COLQ: variants seen among roughly 807,000 people sequenced by gnomAD.
COLQ encodes the protein acetylcholinesterase collagenic tail peptide.
Under a neutral mutation model 69.0 loss-of-function variants are expected in COLQ, and 48 were observed. The observed-to-expected ratio is 0.70, with a 90% CI of 0.55 to 0.88. The LOEUF (loss-of-function observed/expected upper bound fraction) is 0.88. Ranked by LOEUF, COLQ falls within the 40% of genes least tolerant of loss-of-function variation. The probability of loss-of-function intolerance (pLI) is 0.00; values close to 1 mark genes in which losing one functional copy is unlikely to be tolerated. For missense variants in COLQ, 618 were observed against 594.6 expected, an observed-to-expected ratio of 1.04 and a Z score of -0.41; for synonymous variants, 217 against 211.2, an observed-to-expected ratio of 1.03 and a Z score of -0.24.
At chr3:15,494,254 G>C (rs1388056454) in intron 1 of COLQ, among the ~76,000 whole-genome samples, 1 of 152,164 alleles carries the variant, frequency 6.6e-6, no homozygotes, top group African/African-American at 2.4e-5. Context: ...AACACTGTGT[G>C]CAAGGAAGGT....
intron 1 of COLQ, among the ~76,000 whole-genome samples, chr3:15,490,899 G>A (rs2062655048): frequency 6.6e-6 from 1 of 152,138 alleles, no homozygotes; most frequent in African/African-American, 2.4e-5. Context: ...TAGAAAAGTG[G>A]GTGCATTCAG....
chr3:15,502,104 C>T (rs1400107880), intron 1 of COLQ, among the ~76,000 whole-genome samples: 1 of 143,646 alleles, frequency 7.0e-6, no homozygotes, highest in Non-Finnish European at 1.5e-5. Context: ...CATCTGCTAA[C>T]TTGCACTGAT....
In COLQ at chr3:15,451,674, G is replaced by A. The variant is rs73818504; in HGVS notation, c.1338C>T (p.Ile446=). The A allele has an allele frequency of 6.8e-6, 11 of 1,614,038 alleles. No individual in the cohort carries two copies. Among genetic ancestry groups the A allele is most frequent in the South Asian group, 6.6e-5 (6 of 91,080 alleles). ...TGAAGTAGCGGCAGGGCGTGGAGTC[G>A]ATGTAGCAGTACTGGGTGCATTGCA... ...GDLQCTQYCY[I]DSTPCRYFT Residue 446 remains isoleucine, a synonymous_variant, in exon 17 of 17, where the codon ATC becomes ATT. Transcript: ENST00000383788.
rs116373583 is a variant in COLQ at position 15,455,986 on chromosome 3, C to T, written c.1108G>A (p.Asp370Asn). ...CCATCCCCACAGGTGCCGTGCTGGT[C>T]TGCAGTGTAATCCACAGGGTAGAAA... The part of the protein sequence containing the change: ...TPFYPVDYTA[D>N]QHGTCGDGLL... Residue 370 changes from aspartate (D) to asparagine (N), a missense_variant, in exon 15 of 17, where the codon GAC (aspartate) becomes AAC (asparagine). Asp to Asn is a conservative substitution (Grantham distance 23, BLOSUM62 1). Coordinates refer to ENST00000383788, the MANE Select transcript of COLQ (RefSeq NM_005677.4). 1,832 of 1,614,136 alleles carry T rather than the reference C, an allele frequency of 1.1e-3. 23 individuals are homozygous for T. In the African/African-American group the frequency reaches 0.022, roughly 20 times the overall value.
At position 15,466,419 on chromosome 3, in the gene COLQ, C is replaced by T; in HGVS notation, c.736G>A (p.Gly246Arg). Residue 246 changes from glycine (G) to arginine (R), a missense_variant, in exon 12 of 17, where the codon GGA (glycine) becomes AGA (arginine). Physicochemically the swap from Gly to Arg is moderately radical, Grantham distance 125 (BLOSUM62 -2). Coordinates refer to ENST00000383788, the MANE Select transcript of COLQ (RefSeq NM_005677.4). ...RGKQGQKGDS[G>R]VMGPPGKPGP... ...GGCTTGCCTGGTGGGCCCATAACTC[C>T]ACTATCCCCTTTCTGTCCCTGACAG... 1.2e-6 allele frequency: 2 copies of T among 1,614,124 alleles called. No individual in the cohort carries two copies. Among genetic ancestry groups the T allele is most frequent in the Non-Finnish European group, 8.5e-7 (1 of 1,180,022 alleles).
At position 15,476,716 on chromosome 3, in the gene COLQ, T is replaced by C. The variant is rs2062384605; in HGVS notation, c.465+410A>G. 2.0e-5 allele frequency among the ~76,000 whole-genome samples: 3 copies of C among 152,210 alleles called. 1 individual carries two copies. The South Asian group carries it at 6.2e-4, about 32-fold the overall frequency. ...GCACTCGACAATCCCTCTCTGAATG[T>C]AGGATTTCCATCCTTCAGCCAGCCA... On this transcript the variant is annotated intron_variant, in intron 6 of 16. Transcript: ENST00000383788.
intron 1 of COLQ, among the ~76,000 whole-genome samples, chr3:15,491,807 C>T (rs1575485482): frequency 1.3e-5 from 2 of 152,228 alleles, no homozygotes; most frequent in Middle Eastern, 3.4e-3. Flanking sequence ...TGCCTGTAAT[C>T]CCAGCACTTT....
rs1325198869 is a variant in COLQ, at chr3:15,451,003, T to A, written c.*641A>T. The A allele has an allele frequency of 1.3e-5, 2 of 153,196 alleles. No individual in the cohort carries two copies. The highest frequency in any genetic ancestry group is 2.9e-5 in the Non-Finnish European group (2 of 68,758). 9.5% of individuals were successfully genotyped at this position (153,196 alleles called of 1,614,324 possible). ...AGCCTCTGCTTGGGGCAAGCCTGGG[T>A]CAGGTGGGTTCTCAGTACTTTTTCA... On this transcript the variant is annotated 3_prime_UTR_variant, in exon 17 of 17. Coordinates refer to ENST00000383788, the MANE Select transcript of COLQ (RefSeq NM_005677.4).
intron 12 of COLQ, among the ~76,000 whole-genome samples, chr3:15,463,410 G>A (rs569124110): frequency 6.6e-6 from 1 of 151,416 alleles, no homozygotes; most frequent in Non-Finnish European, 1.5e-5. Flanking sequence ...GCAGTGACTC[G>A]ATCTTGGCTT....
At chr3:15,509,755 G>T (rs1444242099) in intron 1 of COLQ, among the ~76,000 whole-genome samples, 1 of 152,198 alleles carries the variant, frequency 6.6e-6, no homozygotes, top group South Asian at 2.1e-4. Context: ...CCAAGGTCCT[G>T]TGGAGTTGGG....
chr3:15,472,384 T>C lies in COLQ; in HGVS notation c.636+1616A>G, dbSNP rs187465549. On this transcript the variant is annotated intron_variant, in intron 10 of 16. Coordinates refer to ENST00000383788, the MANE Select transcript of COLQ (RefSeq NM_005677.4). Reference sequence around the variant, plus strand: ...TTTCTGACAGCTTAAGGTAGTGATATAATAAATTAATGCATGTTGATTGAA... The same window carrying C: ...TTTCTGACAGCTTAAGGTAGTGATACAATAAATTAATGCATGTTGATTGAA... Among the ~76,000 whole-genome samples the C allele has an allele frequency of 1.7e-3, 256 of 152,354 alleles. 1 individual carries two copies. The highest frequency in any genetic ancestry group is 5.9e-3 in the African/African-American group (247 of 41,580).
intron 5 of COLQ, among the ~76,000 whole-genome samples, chr3:15,477,773 C>G (rs1426424552): frequency 2.6e-5 from 4 of 152,174 alleles, no homozygotes; most frequent in African/African-American, 9.7e-5. Context: ...CTCAAGCTCC[C>G]CCTAGATATC....
At chr3:15,477,428 TC>T in intron 5 of COLQ, 2 of 546,670 alleles carry the variant, frequency 3.7e-6, no homozygotes, top group South Asian at 4.4e-5. Context: ...AGAAAGGGAC[TC>T]TAAACTTCTT....
intron 1 of COLQ, among the ~76,000 whole-genome samples, chr3:15,493,675 C>T (rs80245351): frequency 0.041 from 6,203 of 152,372 alleles, 292 homozygotes; most frequent in Admixed American, 0.14. Context: ...GCAGAGCCTG[C>T]CCTGGACCAG....
chr3:15,511,232 T>G (rs1029390470), intron 1 of COLQ, among the ~76,000 whole-genome samples: 6 of 152,172 alleles, frequency 3.9e-5, no homozygotes, highest in South Asian at 4.1e-4. Flanking sequence ...TTACCTGAAC[T>G]CCTAAGGACT....
chr3:15,514,637 T>C (rs2063033043), intron 1 of COLQ, among the ~76,000 whole-genome samples: 2 of 152,226 alleles, frequency 1.3e-5, no homozygotes, highest in Non-Finnish European at 2.9e-5. Flanking sequence ...ATCTAGACTG[T>C]TGACTTTCAA....
chr3:15,513,383 C>T (rs1295449557), intron 1 of COLQ, among the ~76,000 whole-genome samples: 1 of 152,230 alleles, frequency 6.6e-6, no homozygotes, highest in African/African-American at 2.4e-5. Context: ...ATGCTTTCAG[C>T]TTCCCACTAC....
At chr3:15,478,861 C>T in intron 5 of COLQ, 116 bp downstream of exon 5, 1 of 1,222,764 alleles carries the variant, frequency 8.2e-7, no homozygotes, top group Admixed American at 1.7e-5. Flanking sequence ...CATCACTGTC[C>T]ACCTGGGTAT....
Position 15,488,257 on chromosome 3 carries a change from C to G in COLQ, c.270G>C (p.Gln90His). ...CTAGCGAGCCTTGCATGCACGGGGA[C>G]TGCGAGGTCTCCAGTTCCAGCATGA... Reference protein sequence around the residue: ...KNLMLELETSQSPCMQGSLGS... With the variant: ...KNLMLELETSHSPCMQGSLGS... Residue 90 changes from glutamine to histidine, a missense_variant, in exon 3 of 17, where the codon CAG (glutamine) becomes CAC (histidine). Gln to His is a conservative substitution (Grantham distance 24). Coordinates refer to ENST00000383788, the MANE Select transcript of COLQ (RefSeq NM_005677.4). The G allele has an allele frequency of 6.2e-7, 1 of 1,613,652 alleles. No individual in the cohort carries two copies. The highest frequency in any genetic ancestry group is 1.6e-4 in the Middle Eastern group (1 of 6,062).
Sources: gnomAD v4.1 joint callset for allele counts (sites outside exome capture counted in the v4.1 genomes callset) on GRCh38, gnomAD v4.1.1 for gene constraint, MANE v1.5 for transcripts, NCBI Gene and HGNC (gene_info 2026-07-23, HGNC 2026-07-21) for gene names.